The following TENM3 variants were observed in gnomAD, a reference collection of about 807,000 sequenced individuals.
The protein encoded by TENM3 is teneurin-3.
A neutral mutation model predicts 255.1 loss-of-function variants in TENM3; 63 were observed. The ratio of observed to expected loss-of-function variants is 0.25; its 90% CI spans 0.20 to 0.30. TENM3 has a LOEUF of 0.30. Among genes scored for constraint, TENM3 ranks in the 10% least tolerant of loss-of-function variants. The probability of loss-of-function intolerance (pLI) is 1.00; values close to 1 mark genes in which losing one functional copy is unlikely to be tolerated. For synonymous variants in TENM3, 1,306 were observed against 1,322.3 expected (o/e 0.99, Z 0.27); for missense variants, 2,929 against 3,461.1 (o/e 0.85, Z 3.86).
At chr4:181,997,540 C>T in the TENM3 span, among the ~76,000 whole-genome samples, 1 of 152,136 alleles carries the variant, frequency 6.6e-6, no homozygotes, top group African/African-American at 2.4e-5. Flanking sequence ...TCATGAAAGG[C>T]CCGATCAAAA....
the TENM3 span, among the ~76,000 whole-genome samples, chr4:181,889,426 C>G: frequency 6.6e-6 from 1 of 152,174 alleles, no homozygotes; most frequent in Non-Finnish European, 1.5e-5. Flanking sequence ...GCCTGCAGAC[C>G]TGCAAGCAGA....
chr4:181,641,552 GTGTATATATATATATATATATATA>G, the TENM3 span, among the ~76,000 whole-genome samples: 114 of 21,690 alleles, frequency 5.3e-3, 3 homozygotes, highest in Non-Finnish European at 5.3e-3. Flanking sequence ...CATGGTGTGT[GTGTATATATATATATATATATATA>G]TATATATATA....
At chr4:181,927,621 C>A in the TENM3 span, among the ~76,000 whole-genome samples, 27 of 152,234 alleles carry the variant, frequency 1.8e-4, no homozygotes, top group Non-Finnish European at 4.0e-4. Context: ...ACATTCCTGC[C>A]TGCCTGCTCC....
chr4:181,625,514 G>T, the TENM3 span, among the ~76,000 whole-genome samples: 6 of 151,988 alleles, frequency 3.9e-5, no homozygotes, highest in Admixed American at 6.6e-5. Flanking sequence ...TTTTCCTTTT[G>T]AAATAATATT....
the TENM3 span, among the ~76,000 whole-genome samples, chr4:181,913,838 G>GA: frequency 1.3e-5 from 2 of 152,158 alleles, no homozygotes; most frequent in African/African-American, 4.8e-5. Context: ...GGATTTTAAA[G>GA]GAAGTTAACA....
intron 3 of TENM3, among the ~76,000 whole-genome samples, chr4:182,370,800 A>G (rs1766752991): frequency 6.6e-6 from 1 of 152,190 alleles, no homozygotes; most frequent in African/African-American, 2.4e-5. Flanking sequence ...TCTGCAAAAC[A>G]ATTCTGCTTT....
rs138253628 is a variant in TENM3 at position 182,209,468 on chromosome 4, G to A, written c.-76+64714G>A. ...ACACTCAAAGGCTGCCAAGACTCCT[G>A]CTGGCAGACCCAGTCTTTGCTGTCC... On this transcript the variant is annotated intron_variant, in intron 1 of 2. Coordinates refer to the TENM3 transcript ENST00000512480. Among the ~76,000 whole-genome samples, 902 of 152,086 alleles carry A rather than the reference G, an allele frequency of 5.9e-3. 8 individuals are homozygous for A. Among genetic ancestry groups the A allele is most frequent in the African/African-American group, 0.02 (821 of 41,498 alleles).
chr4:181,649,818 C>T, the TENM3 span, among the ~76,000 whole-genome samples: 5 of 152,266 alleles, frequency 3.3e-5, no homozygotes, highest in East Asian at 9.7e-4. Flanking sequence ...ACAATATTGT[C>T]TACAGTCTCT....
chr4:182,379,830 G>A (rs528028899), intron 3 of TENM3, among the ~76,000 whole-genome samples: 10 of 152,210 alleles, frequency 6.6e-5, no homozygotes, highest in South Asian at 2.1e-4. Context: ...CCATTTCCTC[G>A]TCAATCAAGG....
rs1379177649 is a variant in TENM3, at chr4:182,803,022, G to A, written c.*2671G>A. 6.6e-6 allele frequency: 1 copy of A among 152,426 alleles called. No individual in the cohort carries two copies. 9.4% of individuals were successfully genotyped at this position (152,426 alleles called of 1,614,324 possible). A position where few individuals can be genotyped will look rare whatever the true frequency, so the allele number is the denominator to read the frequency against. On this transcript the variant is annotated 3_prime_UTR_variant, in exon 28 of 28. Coordinates refer to ENST00000511685, the MANE Select transcript of TENM3 (RefSeq NM_001080477.4). The stretch of plus-strand genomic sequence containing the variant: ...GCATTCCAATAAAAGCCAACCCAAT[G>A]TGTGTGTGTTTTTATATTTTTTCAA...
At chr4:182,662,304 A>T (rs1204014213) in intron 6 of TENM3, among the ~76,000 whole-genome samples, 3 of 151,764 alleles carry the variant, frequency 2.0e-5, no homozygotes, top group Non-Finnish European at 4.4e-5. Flanking sequence ...AAAAAATCAC[A>T]GTTAGTAGGT....
At chr4:182,369,825 C>T (rs1766679521) in intron 3 of TENM3, among the ~76,000 whole-genome samples, 1 of 152,026 alleles carries the variant, frequency 6.6e-6, no homozygotes, top group Admixed American at 6.6e-5. Context: ...TTGCAGGGAG[C>T]CAAGATCACG....
intron 3 of TENM3, among the ~76,000 whole-genome samples, chr4:182,434,206 A>T (rs1771876926): frequency 6.6e-6 from 1 of 152,198 alleles, no homozygotes. Flanking sequence ...TGCTACAATT[A>T]CTTCTCATTG....
chr4:182,020,951 AATT>A, the TENM3 span, among the ~76,000 whole-genome samples: 2 of 150,762 alleles, frequency 1.3e-5, no homozygotes, highest in African/African-American at 2.4e-5. Context: ...TTTTTTTTCA[AATT>A]TTCTCTAGAT....
At chr4:181,801,110 T>C in the TENM3 span, among the ~76,000 whole-genome samples, 1 of 152,090 alleles carries the variant, frequency 6.6e-6, no homozygotes, top group African/African-American at 2.4e-5. Context: ...AAGGAAGCAA[T>C]TATCATGGTA....
At chr4:182,300,618 C>A (rs1378308720) in intron 1 of TENM3, among the ~76,000 whole-genome samples, 2 of 152,172 alleles carry the variant, frequency 1.3e-5, no homozygotes, top group African/African-American at 4.8e-5. Flanking sequence ...TGTTCTGCAG[C>A]CTTGCACTTG....
the TENM3 span, among the ~76,000 whole-genome samples, chr4:181,704,598 G>A: frequency 6.6e-6 from 1 of 152,048 alleles, no homozygotes; most frequent in African/African-American, 2.4e-5. Flanking sequence ...ATAACGGATG[G>A]ACCCATACAG....
At position 182,741,278 on chromosome 4, in the gene TENM3, T is replaced by G. The variant is rs1240311482; in HGVS notation, c.3380-1892T>G. On this transcript the variant is annotated intron_variant, in intron 18 of 27. Coordinates refer to ENST00000511685, the MANE Select transcript of TENM3 (RefSeq NM_001080477.4). ...GTTTAGAATTTTATCCAAGAACATT[T>G]TGACAAGTAGTGGCTTTCCAAAGTG... Among the ~76,000 whole-genome samples, 3 of 152,198 alleles carry G rather than the reference T, an allele frequency of 2.0e-5. No homozygotes were observed. The East Asian group carries it at 5.8e-4, about 29-fold the overall frequency.
chr4:181,802,057 A>C, the TENM3 span, among the ~76,000 whole-genome samples: 1 of 152,178 alleles, frequency 6.6e-6, no homozygotes, highest in Non-Finnish European at 1.5e-5. Context: ...TGGTATGTAC[A>C]TGCTGATTTA....
Sources: gnomAD v4.1 joint callset for allele counts (sites outside exome capture counted in the v4.1 genomes callset) on GRCh38, gnomAD v4.1.1 for gene constraint, MANE v1.5 for transcripts, NCBI Gene and HGNC (gene_info 2026-07-23, HGNC 2026-07-21) for gene names.